Variants in ATRN observed in about 807,000 individuals in gnomAD.
The protein encoded by ATRN is attractin-2.
ATRN carries 54 observed loss-of-function variants against 178.7 expected under a neutral mutation model. The observed-to-expected ratio is 0.30, with a 90% CI of 0.24 to 0.38. The LOEUF is 0.38. ATRN is among the 10% of genes least tolerant of loss of function. ATRN has a pLI of 1.00. For missense variants in ATRN, 1,443 were observed against 1,815.1 expected (o/e 0.79, Z 3.73); for synonymous variants, 636 against 663.0 (o/e 0.96, Z 0.63).
intron 27 of ATRN, 76 bp from the exon 28 acceptor site, chr20:3,644,078 C>T: frequency 9.0e-7 from 1 of 1,108,480 alleles, no homozygotes; most frequent in Admixed American, 1.9e-5. Flanking sequence ...TTCTTATAAG[C>T]ACAAATGACC....
chr20:3,615,555 T>C (rs1039097520), intron 24 of ATRN, among the ~76,000 whole-genome samples: 1 of 149,988 alleles, frequency 6.7e-6, no homozygotes, highest in Non-Finnish European at 1.5e-5. Flanking sequence ...TTTTTCTTTT[T>C]TCTTTTTTTT....
intron 1 of ATRN, among the ~76,000 whole-genome samples, chr20:3,482,067 A>T (rs1315921797): frequency 1.3e-5 from 2 of 151,854 alleles, no homozygotes; most frequent in African/African-American, 4.8e-5. Flanking sequence ...GGAATTAAAA[A>T]ATAATAATCT....
chr20:3,599,649 A>G (rs1036524129), intron 22 of ATRN, among the ~76,000 whole-genome samples: 20 of 152,342 alleles, frequency 1.3e-4, no homozygotes, highest in African/African-American at 4.6e-4. Context: ...ACCTGAGTAT[A>G]CAGAGGGTGG....
At chr20:3,619,302 C>T (rs1461232521) in intron 24 of ATRN, among the ~76,000 whole-genome samples, 1 of 152,238 alleles carries the variant, frequency 6.6e-6, no homozygotes, top group African/African-American at 2.4e-5. Flanking sequence ...GGTCAGTAGA[C>T]TTAGATGAGT....
At chr20:3,628,752 T>C in intron 25 of ATRN, 2 of 379,870 alleles carry the variant, frequency 5.3e-6, no homozygotes, top group Non-Finnish European at 7.2e-6. Flanking sequence ...TCTCCTCTTC[T>C]TGACTTCTCG....
At position 3,471,301 on chromosome 20, in the gene ATRN, T is replaced by G; in HGVS notation, c.194T>G (p.Leu65Arg). The change falls in exon 1 of 29, where the codon CTG (leucine) becomes CGG (arginine). Residue 65 changes from leucine to arginine, a missense_variant. Leu to Arg is a moderately radical substitution (Grantham distance 102, BLOSUM62 -2). This residue lies in a region of ATRN where 862 missense variants were observed against 972.1 expected (regional missense o/e 0.89). Transcript: ENST00000262919. The stretch of plus-strand genomic sequence containing the variant: ...CTGCGGCCACGGCTGCTGCTGCTGC[T>G]GTTGTTGCTCTCGCCGCCGCTGCTG... The part of the protein sequence containing the change: ...PPLRPRLLLL[L>R]LLLSPPLLLL... 6.8e-7 allele frequency: 1 copy of G among 1,480,386 alleles called. No individual in the cohort carries two copies. Among genetic ancestry groups the G allele is most frequent in the Non-Finnish European group, 8.9e-7 (1 of 1,124,736 alleles). 91.7% of individuals were successfully genotyped at this position (1,480,386 alleles called of 1,614,324 possible). A position where few individuals can be genotyped will look rare whatever the true frequency, so the allele number is the denominator to read the frequency against.
intron 14 of ATRN, among the ~76,000 whole-genome samples, chr20:3,578,192 A>G (rs984221848): frequency 4.6e-5 from 7 of 152,110 alleles, no homozygotes; most frequent in Non-Finnish European, 1.0e-4. Flanking sequence ...TCCTTGATTC[A>G]TTTCCATTCT....
At chr20:3,588,774 A>G (rs1339871019) in intron 18 of ATRN, among the ~76,000 whole-genome samples, 1 of 152,082 alleles carries the variant, frequency 6.6e-6, no homozygotes, top group Non-Finnish European at 1.5e-5. Flanking sequence ...TCTTCTTTAG[A>G]TGTTGATTGA....
chr20:3,576,018 A>G (rs955921943), intron 13 of ATRN, 70 bp downstream of exon 13: 11 of 1,480,384 alleles, frequency 7.4e-6, no homozygotes, highest in Non-Finnish European at 9.0e-6. Flanking sequence ...TATAGTGTAT[A>G]TGGTATAAAT....
rs550395494 is a variant in ATRN, at chr20:3,638,651, T to C, written c.3943-177T>C. Among the ~76,000 whole-genome samples, 1 of 152,226 alleles carries C rather than the reference T, an allele frequency of 6.6e-6. No homozygotes were observed. The highest frequency in any genetic ancestry group is 1.5e-5 in the Non-Finnish European group (1 of 68,036). On this transcript the variant is annotated intron_variant, in intron 26 of 28. Coordinates refer to ENST00000262919, the MANE Select transcript of ATRN (RefSeq NM_139321.3). This position sits in a 1 kb window ranked among gnomAD's most constrained non-coding sequence, Gnocchi z 4.5. ...AAAAAATATAAGGACAATGGTGTTA[T>C]CACATCCAACAAAATTTAGTAATCC...
chr20:3,592,905 T>C (rs1186111872), intron 19 of ATRN, among the ~76,000 whole-genome samples: 1 of 152,254 alleles, frequency 6.6e-6, no homozygotes, highest in African/African-American at 2.4e-5. Flanking sequence ...AAGTTCTTGC[T>C]CAGATTAAAA....
rs2086454424 is a variant in ATRN, at chr20:3,592,113, G to A, written c.3322+807G>A. Among the ~76,000 whole-genome samples the A allele has an allele frequency of 2.6e-5, 4 of 152,276 alleles. No homozygotes were observed. In the South Asian group the frequency reaches 8.3e-4, roughly 32 times the overall value. On this transcript the variant is annotated intron_variant, in intron 19 of 28. Transcript: ENST00000262919. ...GTATTTTAAAGGTTTAAATAGTCCCGTGTTGGCTGGGTGTAGTGGCTCACG... is the reference window on the plus strand; with the variant it reads ...GTATTTTAAAGGTTTAAATAGTCCCATGTTGGCTGGGTGTAGTGGCTCACG...
At chr20:3,523,767 A>G (rs1197683265) in intron 1 of ATRN, among the ~76,000 whole-genome samples, 1 of 152,234 alleles carries the variant, frequency 6.6e-6, no homozygotes, top group African/African-American at 2.4e-5. Flanking sequence ...AATATTCAAC[A>G]TTCTTAAAGA....
intron 1 of ATRN, among the ~76,000 whole-genome samples, chr20:3,473,023 A>G (rs932637048): frequency 6.6e-6 from 1 of 152,240 alleles, no homozygotes; most frequent in African/African-American, 2.4e-5. Context: ...AAACCAAGTT[A>G]CTTCAGGACC....
intron 6 of ATRN, among the ~76,000 whole-genome samples, chr20:3,554,492 C>T (rs937150343): frequency 1.3e-5 from 2 of 151,838 alleles, no homozygotes; most frequent in Admixed American, 6.6e-5. Flanking sequence ...CCTGCCACCA[C>T]GCCCAGTTAA....
intron 1 of ATRN, among the ~76,000 whole-genome samples, chr20:3,491,158 C>CA (rs912006601): frequency 2.6e-4 from 40 of 150,944 alleles, no homozygotes; most frequent in South Asian, 8.4e-4. Context: ...GGAAAAAAAT[C>CA]AAAAAAAACC....
chr20:3,493,700 A>G (rs2084839142), intron 1 of ATRN, among the ~76,000 whole-genome samples: 1 of 152,168 alleles, frequency 6.6e-6, no homozygotes, highest in Admixed American at 6.5e-5. Flanking sequence ...GCACCTATTC[A>G]TCTGAGGGGA....
rs1174690024 is a variant in ATRN, at chr20:3,617,408, T to C, written c.3802-7103T>C. On this transcript the variant is annotated intron_variant, in intron 24 of 28. Coordinates refer to ENST00000262919, the MANE Select transcript of ATRN (RefSeq NM_139321.3). The stretch of plus-strand genomic sequence containing the variant: ...ATAATATGATCATAGGGAAAGTAAG[T>C]GTAGTGTGGATGAAACAAGGTTGGC... Among the ~76,000 whole-genome samples, 6 of 152,250 alleles carry C rather than the reference T, an allele frequency of 3.9e-5. 1 individual carries two copies. The East Asian group carries it at 1.2e-3, about 29-fold the overall frequency.
chr20:3,509,264 AT>A lies in ATRN; in HGVS notation c.411-25987del, dbSNP rs564067709. On this transcript the variant is annotated intron_variant, in intron 1 of 28. Coordinates refer to ENST00000262919, the MANE Select transcript of ATRN (RefSeq NM_139321.3). ...TGTACTTAACTGTAATGAGTCAAAT[AT>A]TGAAAGCAAAAGGATAGAGAAAAAG... Among the ~76,000 whole-genome samples, 20 of 152,302 alleles carry A rather than the reference AT, an allele frequency of 1.3e-4. No individual in the cohort carries two copies. In the South Asian group the frequency reaches 4.1e-3, roughly 32 times the overall value.
Sources: gnomAD v4.1 joint callset for allele counts (sites outside exome capture counted in the v4.1 genomes callset) on GRCh38, gnomAD v4.1.1 for gene constraint, gnomAD v4.1.1 regional missense constraint, Gnocchi (gnomAD v3.1) non-coding constraint, MANE v1.5 for transcripts, NCBI Gene and HGNC (gene_info 2026-07-23, HGNC 2026-07-21) for gene names.